EMSY: variants seen among roughly 807,000 people sequenced by gnomAD.
EMSY encodes EMSY transcriptional repressor, BRCA2 interacting, also known as BRCA2-interacting transcriptional repressor EMSY.
Under a neutral mutation model 134.6 loss-of-function variants are expected in EMSY, and 26 were observed. The ratio of observed to expected loss-of-function variants is 0.19; its 90% CI spans 0.14 to 0.27. EMSY has a LOEUF of 0.27. EMSY is among the 10% of genes least tolerant of loss of function. The probability of loss-of-function intolerance (pLI) is 1.00; values close to 1 mark genes in which losing one functional copy is unlikely to be tolerated. For synonymous variants in EMSY, 579 were observed against 577.8 expected (o/e 1.00, Z -0.03); for missense variants, 1,305 against 1,611.4 (o/e 0.81, Z 3.26).
intron 7 of EMSY, among the ~76,000 whole-genome samples, chr11:76,466,100 G>A (rs1017787526): frequency 3.9e-5 from 6 of 151,962 alleles, no homozygotes; most frequent in Non-Finnish European, 7.4e-5. Context: ...TGTTTTTAGC[G>A]TAGTACCTGG....
intron 8 of EMSY, among the ~76,000 whole-genome samples, chr11:76,481,557 G>C (rs944410944): frequency 6.3e-4 from 96 of 152,306 alleles, no homozygotes; most frequent in African/African-American, 2.2e-3. Flanking sequence ...AAGCTTGGTG[G>C]GGGGAGGGGT....
chr11:76,538,017 T>C, intron 16 of EMSY, 67 bp downstream of exon 17: 1 of 1,336,942 alleles, frequency 7.5e-7, no homozygotes, highest in Non-Finnish European at 1.0e-6. Flanking sequence ...ATGGGATGAT[T>C]GTGTGGGGGA....
chr11:76,496,890 G>A, intron 9 of EMSY: 1 of 296,470 alleles, frequency 3.4e-6, no homozygotes, highest in Non-Finnish European at 6.4e-6. Flanking sequence ...TCTTTTTGGT[G>A]TTTTATTTTA....
chr11:76,493,378 C>G (rs1265017470), intron 8 of EMSY, among the ~76,000 whole-genome samples: 3 of 152,178 alleles, frequency 2.0e-5, no homozygotes, highest in Non-Finnish European at 4.4e-5. Flanking sequence ...AGGAGGCAGA[C>G]AGGCTCGTGA....
At chr11:76,466,861 T>C (rs540068489) in intron 7 of EMSY, among the ~76,000 whole-genome samples, 1 of 152,326 alleles carries the variant, frequency 6.6e-6, no homozygotes, top group South Asian at 2.1e-4. Flanking sequence ...ATTTATGAGA[T>C]GAGAATGATG....
At chr11:76,496,519 T>A (rs1242670662) in intron 9 of EMSY, 50 bp downstream of exon 10, 1 of 1,592,840 alleles carries the variant, frequency 6.3e-7, no homozygotes, top group Admixed American at 1.7e-5. Flanking sequence ...TATTCACCAG[T>A]TTTTTTAGTC....
chr11:76,451,950 G>C (rs1306011443), exon 3 of EMSY: 1 of 1,567,876 alleles, frequency 6.4e-7, no homozygotes, highest in Non-Finnish European at 8.6e-7. Flanking sequence ...ACTATCAAAA[G>C]TTCTTAGGTA....
Position 76,516,420 on chromosome 11 carries a change from A to G in EMSY, c.1684+108A>G, listed in dbSNP as rs925005164. ...TTTGATCTCAATTTTTTGCTTAGAA[A>G]TCTAAAGCTTTGTTTTAGTCCTTAT... On this transcript the variant is annotated intron_variant, in intron 11 of 20. Transcript: ENST00000334736. 6.1e-6 allele frequency: 5 copies of G among 826,026 alleles called. No individual in the cohort carries two copies. In the African/African-American group the frequency reaches 8.8e-5, roughly 15 times the overall value. The allele number at this position is 826,026 out of a possible 1,614,324, so 51.2% of individuals were successfully genotyped here.
intron 9 of EMSY, among the ~76,000 whole-genome samples, chr11:76,506,938 C>A (rs1950101889): frequency 6.6e-6 from 1 of 152,102 alleles, no homozygotes; most frequent in South Asian, 2.1e-4. Context: ...TGGAAACAAC[C>A]TTACAGGGGA....
intron 14 of EMSY, among the ~76,000 whole-genome samples, chr11:76,529,922 G>T (rs1224879836): frequency 6.6e-6 from 1 of 152,006 alleles, no homozygotes. Context: ...CTTTTGGTCT[G>T]CAGTTTCTTG....
At chr11:76,465,358 A>G (rs546294261) in intron 7 of EMSY, among the ~76,000 whole-genome samples, 1 of 152,328 alleles carries the variant, frequency 6.6e-6, no homozygotes, top group Admixed American at 6.5e-5. Flanking sequence ...TGGGAAAACT[A>G]AACTCTCTAC....
exon 20 of EMSY, chr11:76,545,834 C>A (rs770153764): frequency 6.2e-7 from 1 of 1,613,340 alleles, no homozygotes; most frequent in Non-Finnish European, 8.5e-7. Flanking sequence ...TCCTCTGTTA[C>A]AAAGATAACT....
chr11:76,502,287 CAAAAAAAA>C lies in EMSY; in HGVS notation c.1363+5835_1363+5842del, dbSNP rs34882734. Among the ~76,000 whole-genome samples the C allele has an allele frequency of 8.2e-4, 7 of 8,536 alleles. No individual in the cohort carries two copies. In the East Asian group the frequency reaches 0.03, roughly 37 times the overall value. 5.6% of individuals were successfully genotyped at this position (8,536 alleles called of 152,430 possible). A position where few individuals can be genotyped will look rare whatever the true frequency, so the allele number is the denominator to read the frequency against. ...AGAGGCTCAAGTAAGAGAAAATGGG[CAAAAAAAA>C]AAAAAAAAAAAAAAAAGCATCCAGA... On this transcript the variant is annotated intron_variant, in intron 9 of 20. Transcript: ENST00000334736.
intron 1 of EMSY, among the ~76,000 whole-genome samples, chr11:76,445,925 T>C (rs1172399794): frequency 1.3e-5 from 2 of 152,062 alleles, no homozygotes; most frequent in African/African-American, 4.8e-5. Flanking sequence ...CTGAGAGGAC[T>C]ATGGGAAGTA....
exon 1 of EMSY, chr11:76,445,122 CG>C: frequency 6.5e-6 from 1 of 153,052 alleles, no homozygotes; most frequent in Non-Finnish European, 1.5e-5. Flanking sequence ...CCCGAAAGGC[CG>C]GGCAGGTGGG....
intron 4 of EMSY, among the ~76,000 whole-genome samples, chr11:76,455,690 C>T (rs925188791): frequency 2.0e-5 from 3 of 152,158 alleles, no homozygotes; most frequent in African/African-American, 7.2e-5. Flanking sequence ...AAAAGCCTTT[C>T]TTGTGGCTTG....
intron 12 of EMSY, 103 bp from the exon 14 acceptor site, chr11:76,526,359 C>A: frequency 1.3e-6 from 1 of 754,864 alleles, no homozygotes; most frequent in South Asian, 3.5e-5. Context: ...AATCTACAGC[C>A]CTTTTTTCAT....
chr11:76,521,094 AC>A (rs1269793558), intron 11 of EMSY, among the ~76,000 whole-genome samples: 1 of 152,232 alleles, frequency 6.6e-6, no homozygotes, highest in African/African-American at 2.4e-5. Context: ...TTAAGGTCTG[AC>A]AAAGCCTGGA....
chr11:76,452,522 A>G (rs1057028942), intron 3 of EMSY, among the ~76,000 whole-genome samples: 3 of 152,116 alleles, frequency 2.0e-5, no homozygotes, highest in Admixed American at 2.0e-4. Context: ...TGTTGTTTAT[A>G]TTTCTCATAA....
Sources: gnomAD v4.1 joint callset for allele counts (sites outside exome capture counted in the v4.1 genomes callset) on GRCh38, gnomAD v4.1.1 for gene constraint, MANE v1.5 for transcripts, NCBI Gene and HGNC (gene_info 2026-07-23, HGNC 2026-07-21) for gene names.